Variants in MINDY3 observed in about 807,000 individuals in gnomAD.
MINDY3 encodes the protein MINDY lysine 48 deubiquitinase 3.
A neutral mutation model predicts 69.2 loss-of-function variants in MINDY3; 38 were observed. The ratio of observed to expected loss-of-function variants is 0.55; its 90% confidence interval spans 0.42 to 0.72. The LOEUF is 0.72. MINDY3 is among the 30% of genes least tolerant of loss of function. The probability of loss-of-function intolerance (pLI) is 0.00; values close to 1 mark genes in which losing one functional copy is unlikely to be tolerated. For synonymous variants in MINDY3, 192 were observed against 180.1 expected (o/e 1.07, Z -0.53); for missense variants, 522 against 519.0 (o/e 1.01, Z -0.06).
intron 4 of MINDY3, among the ~76,000 whole-genome samples, chr10:15,841,002 G>C (rs1294200172): frequency 6.6e-6 from 1 of 151,396 alleles, no homozygotes; most frequent in Non-Finnish European, 1.5e-5. Flanking sequence ...CTTGCAATGA[G>C]GAGAAATGTC....
Position 15,847,933 on chromosome 10 carries a change from A to C in MINDY3, c.105T>G (p.Phe35Leu). Residue 35 changes from phenylalanine (F) to leucine (L), a missense_variant, in exon 2 of 15, where the codon TTT (phenylalanine) becomes TTG (leucine). Coordinates refer to ENST00000277632, the MANE Select transcript of MINDY3 (RefSeq NM_024948.4). Reference sequence around the variant, plus strand: ...CTAATGCAGATCCCTCTGATTCACTAAACACAAACCCTAAAAATGAAAGCA... The same window carrying C: ...CTAATGCAGATCCCTCTGATTCACTCAACACAAACCCTAAAAATGAAAGCA... ...IFCRWTQGFV[F>L]SESEGSALEQ... 6.2e-7 allele frequency: 1 copy of C among 1,613,718 alleles called. No homozygotes were observed. The highest frequency in any genetic ancestry group is 8.5e-7 in the Non-Finnish European group (1 of 1,179,626).
chr10:15,841,375 T>C, intron 4 of MINDY3, 51 bp downstream of exon 4: 1 of 1,438,998 alleles, frequency 6.9e-7, no homozygotes, highest in African/African-American at 1.4e-5. Context: ...AATAGATTCA[T>C]TAAAACAAAG....
At chr10:15,826,054 AC>A (rs1282568871) in intron 8 of MINDY3, among the ~76,000 whole-genome samples, 4 of 152,196 alleles carry the variant, frequency 2.6e-5, no homozygotes, top group African/African-American at 9.6e-5. Flanking sequence ...AGAGACCATG[AC>A]AAAATTAATC....
At chr10:15,835,617 G>A (rs1165771500) in intron 6 of MINDY3, among the ~76,000 whole-genome samples, 1 of 152,036 alleles carries the variant, frequency 6.6e-6, no homozygotes, top group Non-Finnish European at 1.5e-5. Flanking sequence ...TTTATTGGCT[G>A]TAAAGAAGAA....
At chr10:15,802,537 G>C (rs1326653525) in intron 10 of MINDY3, among the ~76,000 whole-genome samples, 1 of 151,988 alleles carries the variant, frequency 6.6e-6, no homozygotes. Context: ...CCTCCCACCA[G>C]GTCCCTCCTT....
At chr10:15,786,673 G>T in intron 12 of MINDY3, 25 bp from the exon 13 acceptor site, 2 of 1,328,046 alleles carry the variant, frequency 1.5e-6, no homozygotes, top group Non-Finnish European at 1.1e-6. Context: ...AAGAAAAACA[G>T]TGGATACCAG....
intron 3 of MINDY3, 61 bp downstream of exon 3, chr10:15,843,151 T>G (rs1057476808): frequency 6.0e-5 from 80 of 1,333,600 alleles, no homozygotes; most frequent in Non-Finnish European, 8.1e-5. Flanking sequence ...CTCAGATAAT[T>G]TTAGATCATC....
intron 1 of MINDY3, among the ~76,000 whole-genome samples, chr10:15,850,270 G>A (rs1834186103): frequency 6.6e-6 from 1 of 152,170 alleles, no homozygotes; most frequent in African/African-American, 2.4e-5. Context: ...TAAATTGCTT[G>A]TAGAGCATGT....
At chr10:15,784,597 T>C (rs1182498727) in intron 13 of MINDY3, among the ~76,000 whole-genome samples, 2 of 152,042 alleles carry the variant, frequency 1.3e-5, no homozygotes, top group Non-Finnish European at 2.9e-5. Context: ...ATACAAAAAT[T>C]AGCCAGGCCA....
At chr10:15,785,804 A>AAAT (rs1375911763) in intron 13 of MINDY3, among the ~76,000 whole-genome samples, 1 of 152,152 alleles carries the variant, frequency 6.6e-6, no homozygotes, top group Non-Finnish European at 1.5e-5. Context: ...TCTTGCTTTT[A>AAAT]AATTTTTTCT....
At chr10:15,815,488 A>G (rs1208138927) in intron 10 of MINDY3, among the ~76,000 whole-genome samples, 3 of 152,220 alleles carry the variant, frequency 2.0e-5, no homozygotes, top group Non-Finnish European at 4.4e-5. Context: ...TACAGAAACA[A>G]ATAATAAACT....
chr10:15,820,894 G>C (rs1416227535), intron 9 of MINDY3, among the ~76,000 whole-genome samples: 1 of 152,150 alleles, frequency 6.6e-6, no homozygotes, highest in Admixed American at 6.5e-5. Flanking sequence ...AGAATAACTT[G>C]AGGTCAAGAG....
intron 9 of MINDY3, 92 bp downstream of exon 9, chr10:15,821,564 T>A (rs917230419): frequency 1.1e-6 from 1 of 906,362 alleles, no homozygotes; most frequent in Non-Finnish European, 1.8e-6. Flanking sequence ...CATAGTGCTG[T>A]GCTCAAATGT....
At chr10:15,847,342 G>C (rs1833924309) in intron 2 of MINDY3, among the ~76,000 whole-genome samples, 1 of 152,116 alleles carries the variant, frequency 6.6e-6, no homozygotes, top group Non-Finnish European at 1.5e-5. Context: ...AAACATTTTT[G>C]GTTTTTGAAA....
chr10:15,841,311 T>C, intron 4 of MINDY3, 115 bp downstream of exon 4: 1 of 786,512 alleles, frequency 1.3e-6, no homozygotes, highest in Non-Finnish European at 2.0e-6. Flanking sequence ...AAGCTTAAGC[T>C]GGAAAAGAAT....
intron 1 of MINDY3, 44 bp from the exon 2 acceptor site, chr10:15,847,987 G>A: frequency 1.4e-6 from 2 of 1,469,066 alleles, no homozygotes; most frequent in Non-Finnish European, 1.9e-6. Context: ...TATAATTCAA[G>A]TAGCAGCTAA....
At chr10:15,831,289 T>C (rs12265790) in intron 8 of MINDY3, among the ~76,000 whole-genome samples, 22,534 of 152,160 alleles carry the variant, frequency 0.15, 4,088 homozygotes, top group African/African-American at 0.43. Context: ...TTTCTAGCAA[T>C]AATCAGCCTG....
At chr10:15,854,781 G>C (rs1834574333) in intron 1 of MINDY3, among the ~76,000 whole-genome samples, 1 of 152,006 alleles carries the variant, frequency 6.6e-6, no homozygotes, top group Non-Finnish European at 1.5e-5. Context: ...CAGCCTGGGA[G>C]ATCAAAAATA....
intron 1 of MINDY3, among the ~76,000 whole-genome samples, chr10:15,849,398 AC>A (rs1834108097): frequency 6.6e-6 from 1 of 151,808 alleles, no homozygotes; most frequent in Admixed American, 6.6e-5. Context: ...AAGAACCAGG[AC>A]TTAACCAGCA....
Sources: gnomAD v4.1 joint callset for allele counts (sites outside exome capture counted in the v4.1 genomes callset) on GRCh38, gnomAD v4.1.1 for gene constraint, MANE v1.5 for transcripts, NCBI Gene and HGNC (gene_info 2026-07-23, HGNC 2026-07-21) for gene names.